The following OBSL1 variants were observed in gnomAD, a reference collection of about 807,000 sequenced individuals.
OBSL1 encodes the protein obscurin-like protein 1.
OBSL1 carries 160 observed loss-of-function variants against 172.0 expected under a neutral mutation model. The ratio of observed to expected loss-of-function variants is 0.93; its 90% CI spans 0.82 to 1.06. The LOEUF is 1.06. OBSL1 is among the 50% of genes least tolerant of loss of function. The pLI is 0.00. For missense variants in OBSL1, 2,681 were observed against 2,715.4 expected (o/e 0.99, Z 0.28); for synonymous variants, 1,200 against 1,196.3 (o/e 1.00, Z -0.06).
At position 219,570,654 on chromosome 2, in the gene OBSL1, T is replaced by C; in HGVS notation, c.579A>G (p.Ala193=). The change falls in exon 1 of 21, where the codon GCA becomes GCG. Residue 193 remains alanine, a synonymous_variant. Coordinates refer to ENST00000404537, the MANE Select transcript of OBSL1 (RefSeq NM_015311.3). ...GCAGCCGAGCCGCCAGGATGCGCAGTGCCAGGCTCGCGCCGGGGCCGTCCT... is the reference window on the plus strand; with the variant it reads ...GCAGCCGAGCCGCCAGGATGCGCAGCGCCAGGCTCGCGCCGGGGCCGTCCT... ...RAEDGPGASL[A]LRILAARLPD... is the part of the protein sequence containing the mutation. The C allele has an allele frequency of 6.6e-7, 1 of 1,506,918 alleles. No individual in the cohort carries two copies. Among genetic ancestry groups the C allele is most frequent in the South Asian group, 1.2e-5 (1 of 80,912 alleles). 93.3% of individuals were successfully genotyped at this position (1,506,918 alleles called of 1,614,324 possible).
Position 219,557,907 on chromosome 2 carries a change from C to T in OBSL1, c.3706G>A (p.Gly1236Ser), listed in dbSNP as rs1394936579. Residue 1236 changes from glycine (G) to serine (S), a missense_variant, in exon 11 of 21, where the codon GGC becomes AGC. Physicochemically the swap from Gly to Ser is moderately conservative, Grantham distance 56 (BLOSUM62 0). Around this residue, in one of 5 missense-constraint regions of OBSL1, gnomAD observed 1,765 missense variants for 1,748.3 expected, o/e 1.01. Transcript: ENST00000404537. ...GTGTAGAGCCCTGCATGGGCTGGGC[C>T]TGCAGCCTGGATGCAGAGGACTCGG... ...PRRVLCIQAAGPAHAGLYTCQ... is the reference protein window; with the variant it reads ...PRRVLCIQAASPAHAGLYTCQ... 3.7e-6 allele frequency: 6 copies of T among 1,603,640 alleles called. No individual in the cohort carries two copies. The Admixed American group carries it at 6.7e-5, about 18-fold the overall frequency.
Position 219,570,334 on chromosome 2 carries a change from C to G in OBSL1, c.899G>C (p.Gly300Ala). 1.2e-6 allele frequency: 2 copies of G among 1,612,260 alleles called. No individual in the cohort carries two copies. Among genetic ancestry groups the G allele is most frequent in the South Asian group, 1.1e-5 (1 of 90,992 alleles). Residue 300 changes from glycine to alanine, a missense_variant, in exon 1 of 21, where the codon GGC becomes GCC. By Grantham distance (60) the Gly-to-Ala change is moderately conservative (BLOSUM62 0). Transcript: ENST00000404537. ...RRRLMYRDRD[G>A]GFVLKVLYCQ... ...GTAAAGCACCTTGAGCACGAAGCCG[C>G]CGTCGCGGTCGCGGTACATGAGGCG... is the stretch of plus-strand genomic sequence containing the variant.
rs2106115698 is a variant in OBSL1, at chr2:219,570,578, G to C, written c.655C>G (p.Gln219Glu). 4.6e-6 allele frequency: 7 copies of C among 1,531,260 alleles called. No individual in the cohort carries two copies. The highest frequency in any genetic ancestry group is 1.2e-5 in the South Asian group (1 of 81,752). 94.9% of individuals were successfully genotyped at this position (1,531,260 alleles called of 1,614,324 possible). ...CHARNAHGHAQAGALLQVHQP... is the reference protein window; with the variant it reads ...CHARNAHGHAEAGALLQVHQP... ...TGCACCTGGAGCAGCGCCCCCGCCTGCGCGTGGCCGTGCGCGTTGCGGGCG... is the reference window on the plus strand; with the variant it reads ...TGCACCTGGAGCAGCGCCCCCGCCTCCGCGTGGCCGTGCGCGTTGCGGGCG... The change falls in exon 1 of 21, where the codon CAG becomes GAG. Residue 219 changes from glutamine to glutamate, a missense_variant. This residue lies in a region of OBSL1 where 706 missense variants were observed against 695.8 expected (regional missense o/e 1.01). Transcript: ENST00000404537.
At chr2:219,550,267 G>A (rs1045885661), downstream of OBSL1, 32 of 192,772 alleles carry the variant, frequency 1.7e-4, no homozygotes, top group African/African-American at 7.0e-4. Flanking sequence ...ATGTCTCCGC[G>A]GAGGGGCTAC....
downstream of OBSL1, chr2:219,550,290 C>T (rs907468937): frequency 1.1e-5 from 2 of 182,962 alleles, no homozygotes; most frequent in South Asian, 1.5e-4. Flanking sequence ...TCCTTCCCAT[C>T]GCCCTGCCTC....
At chr2:219,549,696 C>T (rs1323732430), downstream of OBSL1, 1 of 1,612,030 alleles carries the variant, frequency 6.2e-7, no homozygotes, top group Non-Finnish European at 8.5e-7. Context: ...GGGACTCACA[C>T]CTATGTTTGC....
Position 219,558,089 on chromosome 2 carries a change from GC to G in OBSL1, c.3523del (p.Ala1175LeufsTer2). 1 of 1,613,756 alleles carries G rather than the reference GC, an allele frequency of 6.2e-7. No individual in the cohort carries two copies. The highest frequency in any genetic ancestry group is 8.5e-7 in the Non-Finnish European group (1 of 1,179,824). On this transcript the variant is annotated frameshift_variant, in exon 11 of 21. Coordinates refer to ENST00000404537, the MANE Select transcript of OBSL1 (RefSeq NM_015311.3). LOFTEE classifies it high-confidence loss of function. ...GAGCGGGCTTGGAGTTGTCTCTAGA[GC>G]AAGGAACTGCACTGGAGGCTCTGGA... ...ILAEPPVQFL[A>X]LETTPSPLCV...
At position 219,552,936 on chromosome 2, in the gene OBSL1, G is replaced by A; in HGVS notation, c.5078C>T (p.Ser1693Leu). 1 of 1,536,520 alleles carries A rather than the reference G, an allele frequency of 6.5e-7. No individual in the cohort carries two copies. Among genetic ancestry groups the A allele is most frequent in the Non-Finnish European group, 8.7e-7 (1 of 1,144,414 alleles). Reference protein sequence around the residue: ...RLLQLRRCGPSDAGTYSCAVG... With the variant: ...RLLQLRRCGPLDAGTYSCAVG... Reference sequence around the variant, plus strand: ...CGCGCAGCTGTAGGTCCCGGCGTCCGAGGGGCCGCAGCGTCGCAGCTGGAG... The same window carrying A: ...CGCGCAGCTGTAGGTCCCGGCGTCCAAGGGGCCGCAGCGTCGCAGCTGGAG... Residue 1693 changes from serine (S) to leucine (L), a missense_variant, in exon 17 of 21, where the codon TCG becomes TTG. By Grantham distance (145) the Ser-to-Leu change is moderately radical (BLOSUM62 -2). This residue lies in a region of OBSL1 where 1,765 missense variants were observed against 1,748.3 expected (regional missense o/e 1.01). Transcript: ENST00000404537.
intron 7 of OBSL1, chr2:219,562,955 G>A (rs1696601420): frequency 5.5e-6 from 3 of 546,398 alleles, no homozygotes; most frequent in South Asian, 2.6e-5. Context: ...GTTGGGACAG[G>A]GACGGTATGA....
downstream of OBSL1, chr2:219,550,027 C>A (rs959115858): frequency 1.1e-6 from 1 of 888,374 alleles, no homozygotes; most frequent in Non-Finnish European, 1.7e-6. Flanking sequence ...GAGAGGAAAG[C>A]CCCCTCCCAA....
At chr2:219,547,941 T>G (rs1385690507), downstream of OBSL1, 2 of 1,593,908 alleles carry the variant, frequency 1.3e-6, no homozygotes, top group African/African-American at 2.7e-5. Flanking sequence ...GGGCGCTACG[T>G]GGTGGAGCGA....
At chr2:219,560,699 G>T (rs1181236936) in intron 8 of OBSL1, among the ~76,000 whole-genome samples, 1 of 152,198 alleles carries the variant, frequency 6.6e-6, no homozygotes. Flanking sequence ...CCTCCACGGA[G>T]ACTCCTGCCT....
chr2:219,568,077 G>A lies in OBSL1; in HGVS notation c.1260C>T (p.Thr420=), dbSNP rs1574576926. ...GACCTTTGACTGTGACGTTGGCCAC[G>A]GTGCGCACCCGGCCCCGCATCTCGC... is the stretch of plus-strand genomic sequence containing the variant. The part of the protein sequence containing the change: ...YLCEMRGRVR[T]VANVTVKGPI... The change falls in exon 2 of 21, where the codon ACC becomes ACT. Residue 420 remains threonine (T), a synonymous_variant. Transcript: ENST00000404537. This position sits in a 1 kb window ranked among gnomAD's most constrained non-coding sequence, Gnocchi z 4.1. The A allele has an allele frequency of 2.5e-6, 4 of 1,609,992 alleles. No homozygotes were observed. Among genetic ancestry groups the A allele is most frequent in the East Asian group, 2.2e-5 (1 of 44,754 alleles).
At chr2:219,549,330 C>T (rs1459046190), downstream of OBSL1, 1 of 1,613,494 alleles carries the variant, frequency 6.2e-7, no homozygotes, top group Non-Finnish European at 8.5e-7. Flanking sequence ...CCATCAAACG[C>T]TTCAATGGAG....
intron 5 of OBSL1, among the ~76,000 whole-genome samples, chr2:219,565,806 C>T (rs994423760): frequency 1.3e-5 from 2 of 152,172 alleles, no homozygotes; most frequent in Non-Finnish European, 2.9e-5. Context: ...GGAAATGCTG[C>T]TCTGGTTGCT....
intron 5 of OBSL1, 61 bp downstream of exon 5, chr2:219,566,769 T>C: frequency 6.7e-7 from 1 of 1,483,124 alleles, no homozygotes; most frequent in Non-Finnish European, 9.0e-7. Flanking sequence ...TGCCTCGTTT[T>C]GCCAACAGGA....
At position 219,551,770 on chromosome 2, in the gene OBSL1, G is replaced by T. The variant is rs200240897; in HGVS notation, c.5442C>A (p.Pro1814=). The T allele has an allele frequency of 1.9e-5, 31 of 1,592,248 alleles. No individual in the cohort carries two copies. The East Asian group carries it at 2.9e-4, about 15-fold the overall frequency. ...CCACCAGAACGGTCTTCTCGCGAGG[G>T]GGGTGGCGGCACATCTGGAGAGGCA... is the stretch of plus-strand genomic sequence containing the variant. ...EALPLQMCRH[P]PREKTVLVGR... The change falls in exon 20 of 21, where the codon CCC becomes CCA. Residue 1814 remains proline (P), a synonymous_variant. Coordinates refer to ENST00000404537, the MANE Select transcript of OBSL1 (RefSeq NM_015311.3).
chr2:219,569,782 T>C (rs1453983175), intron 1 of OBSL1, among the ~76,000 whole-genome samples: 2 of 152,262 alleles, frequency 1.3e-5, no homozygotes, highest in African/African-American at 4.8e-5. Context: ...TTCTCACTGA[T>C]GGTTTAGAAG....
chr2:219,554,879 G>A (rs919057872), intron 14 of OBSL1, 139 bp from the exon 15 acceptor site: 5 of 952,674 alleles, frequency 5.2e-6, no homozygotes, highest in Admixed American at 5.8e-5. Flanking sequence ...CGGAACCAGG[G>A]TGCAGGAAGA....
Sources: allele counts gnomAD v4.1 joint callset (sites outside exome capture counted in the v4.1 genomes callset), GRCh38; gene constraint gnomAD v4.1.1; regional missense constraint gnomAD v4.1.1; non-coding constraint Gnocchi (gnomAD v3.1); transcripts MANE v1.5; gene names NCBI Gene and HGNC (gene_info 2026-07-23, HGNC 2026-07-21).